THSD7A: variants seen among roughly 807,000 people sequenced by gnomAD.
THSD7A encodes thrombospondin type-1 domain-containing protein 7A.
In THSD7A, 96 loss-of-function variants were observed where a neutral mutation model predicts 231.3. The ratio of observed to expected loss-of-function variants is 0.41; its 90% CI spans 0.35 to 0.49. THSD7A has a LOEUF of 0.49. THSD7A is among the 20% of genes least tolerant of loss of function. The probability of loss-of-function intolerance (pLI) is 0.05; values close to 1 mark genes in which losing one functional copy is unlikely to be tolerated. For missense variants in THSD7A, 2,290 were observed against 2,070.2 expected (o/e 1.11, Z -2.06); for synonymous variants, 940 against 743.3 (o/e 1.26, Z -4.30).
chr7:11,714,531 T>C (rs1467414700), intron 1 of THSD7A, among the ~76,000 whole-genome samples: 1 of 151,294 alleles, frequency 6.6e-6, no homozygotes, highest in African/African-American at 2.4e-5. Context: ...TAATGCATGA[T>C]TTCATAAGTG....
chr7:11,481,835 C>A lies in THSD7A; in HGVS notation c.1970G>T (p.Gly657Val). The A allele has an allele frequency of 6.2e-7, 1 of 1,613,658 alleles. No individual in the cohort carries two copies. The highest frequency in any genetic ancestry group is 8.5e-7 in the Non-Finnish European group (1 of 1,179,682). ...SHTCSGKTTE[G>V]KQIRARSILA... ...AATGGATCGTGCTCGTATCTGTTTC[C>A]CTTCTGTCGTTTTCCCTGAGCAGGT... is the stretch of plus-strand genomic sequence containing the variant. Residue 657 changes from glycine to valine, a missense_variant, in exon 7 of 28, where the codon GGG (glycine) becomes GTG (valine). Coordinates refer to ENST00000423059, the MANE Select transcript of THSD7A (RefSeq NM_015204.3).
chr7:11,428,312 T>G, intron 14 of THSD7A, among the ~76,000 whole-genome samples: 1 of 152,164 alleles, frequency 6.6e-6, no homozygotes, highest in Admixed American at 6.6e-5. Flanking sequence ...ATTCCTCCAT[T>G]AGGCTTTTTC....
At position 11,508,258 on chromosome 7, in the gene THSD7A, A is replaced by G. The variant is rs1004979206; in HGVS notation, c.1823-26276T>C. Among the ~76,000 whole-genome samples the G allele has an allele frequency of 6.6e-5, 10 of 152,348 alleles. No homozygotes were observed. The South Asian group carries it at 1.4e-3, about 22-fold the overall frequency. The stretch of plus-strand genomic sequence containing the variant: ...GAATAACTGCATTACAAAGTAGATT[A>G]AGGACTAGATAGACATTTCTTCAAA... On this transcript the variant is annotated intron_variant, in intron 6 of 27. Coordinates refer to ENST00000423059, the MANE Select transcript of THSD7A (RefSeq NM_015204.3).
chr7:11,538,251 AT>A (rs988595151), intron 6 of THSD7A, among the ~76,000 whole-genome samples: 1 of 152,150 alleles, frequency 6.6e-6, no homozygotes, highest in African/African-American at 2.4e-5. Flanking sequence ...AAACAAAAAA[AT>A]AACATAACTG....
intron 2 of THSD7A, among the ~76,000 whole-genome samples, chr7:11,629,411 C>A (rs757994829): frequency 2.0e-5 from 3 of 152,090 alleles, no homozygotes; most frequent in Non-Finnish European, 4.4e-5. Flanking sequence ...GCTTGCGAGA[C>A]GTGATGATGA....
chr7:11,830,601 G>T (rs1281408598), intron 1 of THSD7A, among the ~76,000 whole-genome samples: 1 of 152,160 alleles, frequency 6.6e-6, no homozygotes, highest in Non-Finnish European at 1.5e-5. Flanking sequence ...AAGACAAATT[G>T]TGTACTTTGA....
chr7:11,503,259 A>G (rs1787412266), intron 6 of THSD7A, among the ~76,000 whole-genome samples: 1 of 152,248 alleles, frequency 6.6e-6, no homozygotes, highest in South Asian at 2.1e-4. Flanking sequence ...GGCTAGCCAT[A>G]TGCAGAAGAT....
chr7:11,698,767 T>C (rs1411701063), intron 1 of THSD7A, among the ~76,000 whole-genome samples: 1 of 151,388 alleles, frequency 6.6e-6, no homozygotes, highest in Non-Finnish European at 1.5e-5. Flanking sequence ...TTAGGGAATT[T>C]GCTGATTTCA....
At position 11,658,031 on chromosome 7, in the gene THSD7A, CA is replaced by C. The variant is rs200590904; in HGVS notation, c.191-21071del. Among the ~76,000 whole-genome samples, 553 of 151,758 alleles carry C rather than the reference CA, an allele frequency of 3.6e-3. 2 individuals are homozygous for C. The highest frequency in any genetic ancestry group is 0.013 in the African/African-American group (529 of 41,462). ...GAAAGTCAAGTACTAGATGGTATGC[CA>C]CCCTGCTAGCTTCAACAAGGGACCA... On this transcript the variant is annotated intron_variant, in intron 1 of 27. Transcript: ENST00000423059.
rs1471718984 is a variant in THSD7A at position 11,831,125 on chromosome 7, G to A, written c.190+632C>T. 1.3e-5 allele frequency among the ~76,000 whole-genome samples: 2 copies of A among 152,148 alleles called. No individual in the cohort carries two copies. The highest frequency in any genetic ancestry group is 4.8e-5 in the African/African-American group (2 of 41,442). On this transcript the variant is annotated intron_variant, in intron 1 of 27. Transcript: ENST00000423059. This position sits in a 1 kb window ranked among gnomAD's most constrained non-coding sequence, Gnocchi z 5.0. Reference sequence around the variant, plus strand: ...TTTTGTTGGGTGGTTGAAAAACAAAGCAAAACAATTCTCAAGGAAGGAAGA... The same window carrying A: ...TTTTGTTGGGTGGTTGAAAAACAAAACAAAACAATTCTCAAGGAAGGAAGA...
Position 11,371,028 on chromosome 7 carries a change from A to G in THSD7A, c.*4766T>C, listed in dbSNP as rs886383263. On this transcript the variant is annotated 3_prime_UTR_variant, in exon 28 of 28. Transcript: ENST00000423059. Reference sequence around the variant, plus strand: ...AACAAGACTGACAATTATATTCTAAATAATATAGAGATTTTTGATCACTGA... The same window carrying G: ...AACAAGACTGACAATTATATTCTAAGTAATATAGAGATTTTTGATCACTGA... 3.9e-5 allele frequency: 6 copies of G among 152,210 alleles called. No individual in the cohort carries two copies. The highest frequency in any genetic ancestry group is 3.9e-4 in the Admixed American group (6 of 15,270). 9.4% of individuals were successfully genotyped at this position (152,210 alleles called of 1,614,324 possible).
At chr7:11,488,713 A>G (rs1786763922) in intron 6 of THSD7A, among the ~76,000 whole-genome samples, 1 of 152,052 alleles carries the variant, frequency 6.6e-6, no homozygotes, top group African/African-American at 2.4e-5. Context: ...CTAAGTCTGA[A>G]TACTATAGTC....
chr7:11,401,940 G>A lies in THSD7A; in HGVS notation c.4266C>T (p.Ser1422=), dbSNP rs374534789. 103 of 1,613,230 alleles carry A rather than the reference G, an allele frequency of 6.4e-5. No homozygotes were observed. Among genetic ancestry groups the A allele is most frequent in the Non-Finnish European group, 8.3e-5 (98 of 1,179,664 alleles). ...PGDCYLKDWS[S]WSLCQLTCVN... is the part of the protein sequence containing the mutation. The stretch of plus-strand genomic sequence containing the variant: ...CACAGGTCAGCTGACACAGGCTCCA[G>A]GAAGACCAGTCCTTCAAATAACAGT... The change falls in exon 23 of 28, where the codon TCC becomes TCT. Residue 1422 remains serine, a synonymous_variant. Transcript: ENST00000423059.
At position 11,411,417 on chromosome 7, in the gene THSD7A, A is replaced by G. The variant is rs912684948; in HGVS notation, c.3683-95T>C. 4 of 788,956 alleles carry G rather than the reference A, an allele frequency of 5.1e-6. No individual in the cohort carries two copies. Among genetic ancestry groups the G allele is most frequent in the East Asian group, 5.2e-5 (2 of 38,650 alleles). 48.9% of individuals were successfully genotyped at this position (788,956 alleles called of 1,614,324 possible). On this transcript the variant is annotated intron_variant, in intron 18 of 27. Transcript: ENST00000423059. This position sits in a 1 kb window ranked among gnomAD's most constrained non-coding sequence, Gnocchi z 4.1. The stretch of plus-strand genomic sequence containing the variant: ...ACCTGAATCCCATATTTAATTCACA[A>G]CTGCTTCCTAAGCCCCATAATCAAT...
chr7:11,565,604 A>G lies in THSD7A; in HGVS notation c.1454-22487T>C, dbSNP rs545234247. 2.4e-4 allele frequency among the ~76,000 whole-genome samples: 34 copies of G among 143,278 alleles called. No homozygotes were observed. The South Asian group carries it at 4.1e-3, about 17-fold the overall frequency. The allele number at this position is 143,278 out of a possible 152,430, so 94.0% of individuals were successfully genotyped here. On this transcript the variant is annotated intron_variant, in intron 4 of 27. Coordinates refer to ENST00000423059, the MANE Select transcript of THSD7A (RefSeq NM_015204.3). Reference sequence around the variant, plus strand: ...GCAGAGTCAGGAAAATTTTCTAAGGAAATGGTTGTGGGGGTTAGAGAGAGA... The same window carrying G: ...GCAGAGTCAGGAAAATTTTCTAAGGGAATGGTTGTGGGGGTTAGAGAGAGA...
Position 11,374,986 on chromosome 7 carries a change from A to G in THSD7A, c.*808T>C, listed in dbSNP as rs1348676388. 6.6e-6 allele frequency: 1 copy of G among 152,094 alleles called. No homozygotes were observed. The highest frequency in any genetic ancestry group is 1.5e-5 in the Non-Finnish European group (1 of 67,994). 9.4% of individuals were successfully genotyped at this position (152,094 alleles called of 1,614,324 possible). A position where few individuals can be genotyped will look rare whatever the true frequency, so the allele number is the denominator to read the frequency against. On this transcript the variant is annotated 3_prime_UTR_variant, in exon 28 of 28. Transcript: ENST00000423059. ...TAAGCGCCTATCGTGCTGCACTAAT[A>G]TAGTGCAAAAATGTGCCTTCCATAT...
At chr7:11,790,480 C>G (rs1489137610) in intron 1 of THSD7A, among the ~76,000 whole-genome samples, 2 of 151,828 alleles carry the variant, frequency 1.3e-5, no homozygotes, top group African/African-American at 4.8e-5. Flanking sequence ...TTTAGCACAA[C>G]AGGAAGGATT....
chr7:11,603,229 A>G (rs960034291), intron 2 of THSD7A, among the ~76,000 whole-genome samples: 1 of 152,002 alleles, frequency 6.6e-6, no homozygotes, highest in African/African-American at 2.4e-5. Context: ...ACATGAACAG[A>G]CACTTCTCAA....
intron 1 of THSD7A, among the ~76,000 whole-genome samples, chr7:11,728,891 T>C (rs1162272897): frequency 5.9e-5 from 9 of 151,864 alleles, no homozygotes; most frequent in Non-Finnish European, 8.8e-5. Flanking sequence ...TCTAATAATA[T>C]TAAACAGCAT....
Sources: allele counts gnomAD v4.1 joint callset (sites outside exome capture counted in the v4.1 genomes callset), GRCh38; gene constraint gnomAD v4.1.1; non-coding constraint Gnocchi (gnomAD v3.1); transcripts MANE v1.5; gene names NCBI Gene and HGNC (gene_info 2026-07-23, HGNC 2026-07-21).